Variants in STK10 observed in about 807,000 individuals in gnomAD.
STK10 encodes the protein serine/threonine kinase 10, also known as serine/threonine-protein kinase 10.
In STK10, 78 loss-of-function variants were observed where a neutral mutation model predicts 113.8. The ratio of observed to expected loss-of-function variants is 0.69; its 90% CI spans 0.57 to 0.83. STK10 has a LOEUF of 0.83. STK10 is among the 40% of genes least tolerant of loss of function. STK10 has a pLI of 0.00. For missense variants in STK10, 1,109 were observed against 1,280.1 expected (o/e 0.87, Z 2.04); for synonymous variants, 465 against 494.7 (o/e 0.94, Z 0.80).
At chr5:172,157,186 G>A (rs1441041668) in intron 1 of STK10, among the ~76,000 whole-genome samples, 1 of 152,188 alleles carries the variant, frequency 6.6e-6, no homozygotes, top group African/African-American at 2.4e-5. Context: ...GAAAACTCAG[G>A]AAAGATACTG....
Position 172,093,497 on chromosome 5 carries a change from A to G in STK10, c.1469T>C (p.Leu490Pro), listed in dbSNP as rs769293007. ...ATAGTCCATGCTCTCAGAGGTGCAG[A>G]GGCTGCTGCAGTCCGAGTCCCTCTT... ...PSKRDSDCSS[L>P]CTSESMDYGT... The change falls in exon 9 of 19, where the codon CTC becomes CCC. Residue 490 changes from leucine to proline, a missense_variant. Leu to Pro is a moderately conservative substitution (Grantham distance 98). Coordinates refer to ENST00000176763, the MANE Select transcript of STK10 (RefSeq NM_005990.4). The surrounding 1 kb of genome is among the most constrained non-coding windows in gnomAD (Gnocchi z 4.1). The G allele has an allele frequency of 6.2e-7, 1 of 1,614,194 alleles. No individual in the cohort carries two copies. Among genetic ancestry groups the G allele is most frequent in the East Asian group, 2.2e-5 (1 of 44,880 alleles).
At chr5:172,056,629 A>T (rs1419032086) in intron 15 of STK10, among the ~76,000 whole-genome samples, 1 of 152,116 alleles carries the variant, frequency 6.6e-6, no homozygotes, top group Non-Finnish European at 1.5e-5. Context: ...GCACTTTGGG[A>T]GGCCAAGGCG....
intron 1 of STK10, among the ~76,000 whole-genome samples, chr5:172,168,839 G>A (rs1770616719): frequency 6.6e-6 from 1 of 152,126 alleles, no homozygotes; most frequent in South Asian, 2.1e-4. Context: ...CAGCTGCTCA[G>A]TGTGCCAGCC....
At chr5:172,131,313 C>T (rs1044790824) in intron 2 of STK10, among the ~76,000 whole-genome samples, 2 of 152,160 alleles carry the variant, frequency 1.3e-5, no homozygotes, top group African/African-American at 2.4e-5. Flanking sequence ...GGATTACAGG[C>T]GTGAGCCCCC....
Position 172,097,125 on chromosome 5 carries a change from A to C in STK10, c.871-565T>G, listed in dbSNP as rs142942074. Among the ~76,000 whole-genome samples, 12 of 152,290 alleles carry C rather than the reference A, an allele frequency of 7.9e-5. No homozygotes were observed. In the East Asian group the frequency reaches 2.3e-3, roughly 29 times the overall value. ...GCAATCTTGGCTCACTGCAACCTCC[A>C]CCTACCAGGTTCAAGGGATTCTCCT... On this transcript the variant is annotated intron_variant, in intron 7 of 18. Transcript: ENST00000176763.
chr5:172,091,827 C>T (rs55718426), intron 9 of STK10, among the ~76,000 whole-genome samples: 30,993 of 152,182 alleles, frequency 0.2, 4,323 homozygotes, highest in African/African-American at 0.4. Flanking sequence ...CCACGGCGCC[C>T]GGCCCAAAGA....
chr5:172,118,878 C>CAAAAAAAAAAAAAAAAAAAAA (rs3028101), intron 3 of STK10, among the ~76,000 whole-genome samples: 1 of 71,310 alleles, frequency 1.4e-5, no homozygotes, highest in African/African-American at 5.0e-5. Context: ...GACTCAGTCT[C>CAAAAAAAAAAAAAAAAAAAAA]AAAAAAAAAA....
At chr5:172,070,271 CTA>C (rs1465383069) in intron 12 of STK10, among the ~76,000 whole-genome samples, 2 of 150,016 alleles carry the variant, frequency 1.3e-5, no homozygotes, top group Non-Finnish European at 3.0e-5. Context: ...ATCTATATAT[CTA>C]TATATCTATA....
At chr5:172,163,265 G>T (rs773236429) in intron 1 of STK10, among the ~76,000 whole-genome samples, 1 of 152,182 alleles carries the variant, frequency 6.6e-6, no homozygotes, top group Non-Finnish European at 1.5e-5. Context: ...AAGATTCAGA[G>T]AGGTGGGGTG....
At chr5:172,143,700 A>T (rs1472120453) in intron 2 of STK10, among the ~76,000 whole-genome samples, 1 of 152,198 alleles carries the variant, frequency 6.6e-6, no homozygotes, top group African/African-American at 2.4e-5. Context: ...AACAGCAATA[A>T]GGTCATTTGC....
chr5:172,065,097 T>C (rs1297360856), intron 12 of STK10, among the ~76,000 whole-genome samples: 8 of 152,292 alleles, frequency 5.3e-5, no homozygotes, highest in Admixed American at 3.3e-4. Flanking sequence ...GCACCTCAGT[T>C]TCCTGCAGGG....
rs374056362 is a variant in STK10, at chr5:172,156,638, C to T, written c.307G>A (p.Asp103Asn). 3 of 1,613,470 alleles carry T rather than the reference C, an allele frequency of 1.9e-6. No homozygotes were observed. Among genetic ancestry groups the T allele is most frequent in the Admixed American group, 1.7e-5 (1 of 60,008 alleles). Residue 103 changes from aspartate (D) to asparagine (N), a missense_variant, in exon 2 of 19, where the codon GAC (aspartate) becomes AAC (asparagine). By Grantham distance (23) the Asp-to-Asn change is conservative (BLOSUM62 1). Coordinates refer to ENST00000176763, the MANE Select transcript of STK10 (RefSeq NM_005990.4). ...IVKLLGAYYHDGKLWIMIEFC... is the reference protein window; with the variant it reads ...IVKLLGAYYHNGKLWIMIEFC... ...GGCAGCCTTACCCACAGCTTCCCGTCGTGATAGTAGGCTCCCAGGAGCTTC... is the reference window on the plus strand; with the variant it reads ...GGCAGCCTTACCCACAGCTTCCCGTTGTGATAGTAGGCTCCCAGGAGCTTC...
chr5:172,187,771 A>G lies in STK10; in HGVS notation c.156+116T>C. ...ATCGGGATGAGGGCCAGGGACCCCG[A>G]ATTCAGCGCCGGGCAGCCCTCGGAG... is the stretch of plus-strand genomic sequence containing the variant. On this transcript the variant is annotated intron_variant, in intron 1 of 18. Coordinates refer to ENST00000176763, the MANE Select transcript of STK10 (RefSeq NM_005990.4). This position sits in a 1 kb window ranked among gnomAD's most constrained non-coding sequence, Gnocchi z 4.6. 1 of 1,457,402 alleles carries G rather than the reference A, an allele frequency of 6.9e-7. No individual in the cohort carries two copies. Among genetic ancestry groups the G allele is most frequent in the Non-Finnish European group, 9.2e-7 (1 of 1,084,900 alleles). The allele number at this position is 1,457,402 out of a possible 1,614,324, so 90.3% of individuals were successfully genotyped here. A position where few individuals can be genotyped will look rare whatever the true frequency, so the allele number is the denominator to read the frequency against.
At position 172,057,373 on chromosome 5, in the gene STK10, G is replaced by A. The variant is rs758577525; in HGVS notation, c.2313C>T (p.His771=). 2.0e-5 allele frequency: 32 copies of A among 1,569,824 alleles called. No homozygotes were observed. Among genetic ancestry groups the A allele is most frequent in the Non-Finnish European group, 2.5e-5 (29 of 1,157,412 alleles). The change falls in exon 15 of 19, where the codon CAC becomes CAT. Residue 771 remains histidine (H), a synonymous_variant. Transcript: ENST00000176763. ...QLKDQYFLQR[H]ELLRKHEKER... is the part of the protein sequence containing the mutation. ...CCTTCTCATGCTTGCGCAGCAGCTCGTGCCGCTGGAGGAAGTACTGGTCTT... is the reference window on the plus strand; with the variant it reads ...CCTTCTCATGCTTGCGCAGCAGCTCATGCCGCTGGAGGAAGTACTGGTCTT...
rs139002315 is a variant in STK10 at position 172,052,954 on chromosome 5, C to T, written c.2741G>A (p.Arg914Gln). Residue 914 changes from arginine (R) to glutamine (Q), a missense_variant, in exon 18 of 19, where the codon CGG becomes CAG. Around this residue, in one of 5 missense-constraint regions of STK10, gnomAD observed 885 missense variants for 991.1 expected, o/e 0.89. Transcript: ENST00000176763. ...CTTCTTGCGCGGCCGAAGCTTGTCC[C>T]GCCATTCCTTCAGGTTCTGGTTATG... is the stretch of plus-strand genomic sequence containing the variant. ...ESHNQNLKEW[R>Q]DKLRPRKKAL... 4.8e-5 allele frequency: 78 copies of T among 1,614,154 alleles called. No individual in the cohort carries two copies. In the African/African-American group the frequency reaches 5.7e-4, roughly 12 times the overall value.
At chr5:172,059,669 C>G (rs1461985564) in intron 14 of STK10, among the ~76,000 whole-genome samples, 2 of 152,090 alleles carry the variant, frequency 1.3e-5, no homozygotes, top group East Asian at 1.9e-4. Context: ...TGAGCCCCCT[C>G]TCAGTCCCCT....
chr5:172,128,221 CAAAAAAAAAAAA>C (rs35298910), intron 2 of STK10, among the ~76,000 whole-genome samples: 1 of 77,250 alleles, frequency 1.3e-5, no homozygotes, highest in African/African-American at 4.8e-5. Flanking sequence ...GACTCCGTCT[CAAAAAAAAAAAA>C]AAAAAAAAAA....
In STK10 at chr5:172,071,051, T is replaced by C. The variant is rs889891797; in HGVS notation, c.1990-6239A>G. Among the ~76,000 whole-genome samples, 14 of 150,570 alleles carry C rather than the reference T, an allele frequency of 9.3e-5. 1 individual carries two copies. Among genetic ancestry groups the C allele is most frequent in the Non-Finnish European group, 1.9e-4 (13 of 67,682 alleles). ...GGTGAGAGCCCATGTCTACTAAAAATACAAAAACATTAGCCGGGTGTGGTG... is the reference window on the plus strand; with the variant it reads ...GGTGAGAGCCCATGTCTACTAAAAACACAAAAACATTAGCCGGGTGTGGTG... On this transcript the variant is annotated intron_variant, in intron 12 of 18. Transcript: ENST00000176763.
At chr5:172,151,377 C>T (rs1430585239) in intron 2 of STK10, among the ~76,000 whole-genome samples, 5 of 151,740 alleles carry the variant, frequency 3.3e-5, no homozygotes, top group African/African-American at 1.2e-4. Context: ...CAGAGTCTCA[C>T]TCTTGTCACC....
Sources: allele counts gnomAD v4.1 joint callset (sites outside exome capture counted in the v4.1 genomes callset), GRCh38; gene constraint gnomAD v4.1.1; regional missense constraint gnomAD v4.1.1; non-coding constraint Gnocchi (gnomAD v3.1); transcripts MANE v1.5; gene names NCBI Gene and HGNC (gene_info 2026-07-23, HGNC 2026-07-21).